Variants in ENAH observed in about 807,000 individuals in gnomAD.
ENAH encodes ENAH actin regulator.
ENAH carries 23 observed loss-of-function variants against 78.7 expected under a neutral mutation model. That is an observed-to-expected ratio of 0.29 (90% CI 0.21 to 0.41). The LOEUF (loss-of-function observed/expected upper bound fraction) is 0.41, where lower values mean the gene tolerates loss of function less well. Ranked by LOEUF, ENAH falls within the 10% of genes least tolerant of loss-of-function variation. ENAH has a pLI of 1.00. For missense variants in ENAH, 544 were observed against 691.0 expected (o/e 0.79, Z 2.39); for synonymous variants, 226 against 241.0 (o/e 0.94, Z 0.58).
chr1:225,622,499 C>T (rs1204564819), intron 1 of ENAH, among the ~76,000 whole-genome samples: 1 of 152,120 alleles, frequency 6.6e-6, no homozygotes, highest in Non-Finnish European at 1.5e-5. Flanking sequence ...GTTCCTGCTG[C>T]TACAACAAAA....
At chr1:225,541,843 G>T (rs573019979) in intron 3 of ENAH, among the ~76,000 whole-genome samples, 1 of 152,292 alleles carries the variant, frequency 6.6e-6, no homozygotes, top group South Asian at 2.1e-4. Context: ...GTTAACAAGA[G>T]TGGTTCTAGA....
In ENAH at chr1:225,489,115, C is replaced by T. The variant is rs772427473; in HGVS notation, c.*8660G>A. ...TTCTGCCCAGGAATTGAAAGAAGGG[C>T]TTCTTCACTTCATCGAGCTCTGGAA... is the stretch of plus-strand genomic sequence containing the variant. On this transcript the variant is annotated 3_prime_UTR_variant, in exon 14 of 14. Transcript: ENST00000366843. 1 of 152,134 alleles carries T rather than the reference C, an allele frequency of 6.6e-6. No individual in the cohort carries two copies. Among genetic ancestry groups the T allele is most frequent in the Non-Finnish European group, 1.5e-5 (1 of 68,026 alleles). 9.4% of individuals were successfully genotyped at this position (152,134 alleles called of 1,614,324 possible). A position where few individuals can be genotyped will look rare whatever the true frequency, so the allele number is the denominator to read the frequency against.
chr1:225,618,075 T>C (rs1656121691), intron 1 of ENAH, among the ~76,000 whole-genome samples: 1 of 152,208 alleles, frequency 6.6e-6, no homozygotes, highest in Non-Finnish European at 1.5e-5. Context: ...CATTTATCCT[T>C]GAGGCAAAGG....
intron 3 of ENAH, among the ~76,000 whole-genome samples, chr1:225,552,134 CTT>C (rs397983036): frequency 4.3e-5 from 5 of 115,946 alleles, no homozygotes; most frequent in Admixed American, 1.0e-4. Context: ...ACTCCTGATT[CTT>C]TTTTTTTTTT....
At chr1:225,616,982 C>T (rs1655846293) in intron 1 of ENAH, among the ~76,000 whole-genome samples, 1 of 151,950 alleles carries the variant, frequency 6.6e-6, no homozygotes, top group Admixed American at 6.6e-5. Context: ...ACCTGTAATC[C>T]CAGCTACTCG....
At chr1:225,567,441 A>G (rs1354305668) in intron 1 of ENAH, 27 bp from the exon 2 acceptor site, 1 of 1,593,096 alleles carries the variant, frequency 6.3e-7, no homozygotes, top group Non-Finnish European at 8.5e-7. Context: ...AAAATATTCA[A>G]ACTTGCAATA....
chr1:225,615,871 G>T (rs2097028071), intron 1 of ENAH, among the ~76,000 whole-genome samples: 1 of 152,116 alleles, frequency 6.6e-6, no homozygotes, highest in African/African-American at 2.4e-5. Context: ...GACGATGGCG[G>T]TTTTGTCGAA....
At position 225,514,622 on chromosome 1, in the gene ENAH, C is replaced by T. The variant is rs143052362; in HGVS notation, c.1192G>A (p.Gly398Arg). The change falls in exon 7 of 14, where the codon GGA becomes AGA. Residue 398 changes from glycine to arginine, a missense_variant. Transcript: ENST00000366843. ...PLTGLAAAIA[G>R]AKLRKVSRME... ...CGTGACACTTTCCTAAGTTTTGCTC[C>T]GGCAATTGCAGCTGCAAGTCCAGTT... is the stretch of plus-strand genomic sequence containing the variant. 43 of 1,611,414 alleles carry T rather than the reference C, an allele frequency of 2.7e-5. No homozygotes were observed. The highest frequency in any genetic ancestry group is 6.7e-5 in the East Asian group (3 of 44,856).
chr1:225,563,034 T>C (rs2096716299), intron 2 of ENAH, among the ~76,000 whole-genome samples: 1 of 152,114 alleles, frequency 6.6e-6, no homozygotes, highest in Non-Finnish European at 1.5e-5. Flanking sequence ...ATTAGATTTA[T>C]TCTTAGGGAT....
chr1:225,560,492 A>T (rs2096697391), intron 2 of ENAH, among the ~76,000 whole-genome samples: 1 of 152,162 alleles, frequency 6.6e-6, no homozygotes, highest in South Asian at 2.1e-4. Context: ...CAAAAAAAAA[A>T]AAAGATTAAA....
chr1:225,527,249 A>G (rs947544789), intron 4 of ENAH, among the ~76,000 whole-genome samples: 2 of 152,266 alleles, frequency 1.3e-5, no homozygotes, highest in African/African-American at 4.8e-5. Flanking sequence ...CAAAGTTAAC[A>G]GGACAATTTC....
chr1:225,618,781 C>T (rs1289043159), intron 1 of ENAH, among the ~76,000 whole-genome samples: 1 of 152,146 alleles, frequency 6.6e-6, no homozygotes, highest in Admixed American at 6.5e-5. Context: ...TTTATACCAG[C>T]AACTACCAGG....
upstream of ENAH, among the ~76,000 whole-genome samples, chr1:225,653,699 G>A (rs1052469345): frequency 7.2e-5 from 11 of 152,192 alleles, no homozygotes; most frequent in South Asian, 2.1e-4. This position sits in a 1 kb window ranked among gnomAD's most constrained non-coding sequence, Gnocchi z 4.3. Flanking sequence ...CGGGGCGAGT[G>A]CTCAGCCCGC....
In ENAH at chr1:225,599,902, G is replaced by A. The variant is rs536807255; in HGVS notation, c.6-32488C>T. On this transcript the variant is annotated intron_variant, in intron 1 of 13. Coordinates refer to ENST00000366843, the MANE Select transcript of ENAH (RefSeq NM_018212.6). Reference sequence around the variant, plus strand: ...GGAGGATCCCTAGGAATGGCTTGGCGCCCTCCCTGTAGTAATAAAGTAAGT... The same window carrying A: ...GGAGGATCCCTAGGAATGGCTTGGCACCCTCCCTGTAGTAATAAAGTAAGT... Among the ~76,000 whole-genome samples, 7 of 151,428 alleles carry A rather than the reference G, an allele frequency of 4.6e-5. No homozygotes were observed. The South Asian group carries it at 6.3e-4, about 14-fold the overall frequency.
At chr1:225,517,924 G>C in intron 5 of ENAH, 1 of 1,550,456 alleles carries the variant, frequency 6.4e-7, no homozygotes, top group Non-Finnish European at 8.7e-7. Context: ...AGGAGGTGCT[G>C]AAGGAGGCTG....
At chr1:225,639,705 A>AACACACACACACACACACACAC (rs374646635) in intron 1 of ENAH, among the ~76,000 whole-genome samples, 2 of 138,552 alleles carry the variant, frequency 1.4e-5, no homozygotes, top group Non-Finnish European at 3.1e-5. Context: ...GGCGGGATTA[A>AACACACACACACACACACACAC]ACACACACAC....
At chr1:225,609,336 G>A (rs1365459878) in intron 1 of ENAH, among the ~76,000 whole-genome samples, 1 of 151,548 alleles carries the variant, frequency 6.6e-6, no homozygotes, top group Non-Finnish European at 1.5e-5. Flanking sequence ...ACAAAAAGCT[G>A]TTTCAAAAAA....
chr1:225,628,996 T>C (rs960207168), intron 1 of ENAH, among the ~76,000 whole-genome samples: 1 of 151,224 alleles, frequency 6.6e-6, no homozygotes, highest in Non-Finnish European at 1.5e-5. Flanking sequence ...GACAGAAATA[T>C]GGGCCAAGCG....
At chr1:225,640,272 C>A (rs1660803767) in intron 1 of ENAH, among the ~76,000 whole-genome samples, 1 of 152,182 alleles carries the variant, frequency 6.6e-6, no homozygotes, top group South Asian at 2.1e-4. Context: ...TAATTTAACA[C>A]ATAGTTGCAA....
Sources: allele counts gnomAD v4.1 joint callset (sites outside exome capture counted in the v4.1 genomes callset), GRCh38; gene constraint gnomAD v4.1.1; non-coding constraint Gnocchi (gnomAD v3.1); transcripts MANE v1.5; gene names NCBI Gene and HGNC (gene_info 2026-07-23, HGNC 2026-07-21).